GCC2: variants seen among roughly 807,000 people sequenced by gnomAD.
GCC2 encodes GRIP and coiled-coil domain containing 2, also known as GRIP and coiled-coil domain-containing protein 2.
In GCC2, 120 loss-of-function variants were observed where a neutral mutation model predicts 210.6. That is an observed-to-expected ratio of 0.57 (90% CI 0.49 to 0.66). GCC2 has a LOEUF of 0.66. Among genes scored for constraint, GCC2 ranks in the 30% least tolerant of loss-of-function variants. The pLI is 0.00. For synonymous variants in GCC2, 703 were observed against 652.7 expected (o/e 1.08, Z -1.17); for missense variants, 1,868 against 1,871.9 (o/e 1.00, Z 0.04).
intron 18 of GCC2, 80 bp downstream of exon 18, chr2:108,490,094 A>C: frequency 2.1e-6 from 2 of 952,164 alleles, no homozygotes; most frequent in Non-Finnish European, 3.0e-6. Context: ...TTGATCCTTG[A>C]GATAAATGCA....
chr2:108,491,694 T>G (rs941243954), intron 18 of GCC2, among the ~76,000 whole-genome samples: 1 of 152,190 alleles, frequency 6.6e-6, no homozygotes, highest in Non-Finnish European at 1.5e-5. Context: ...GCTTTTACTT[T>G]TTTCTCTGAC....
Position 108,492,675 on chromosome 2 carries a change from A to T in GCC2, c.4332A>T (p.Arg1444=). 1 of 1,613,944 alleles carries T rather than the reference A, an allele frequency of 6.2e-7. No individual in the cohort carries two copies. The highest frequency in any genetic ancestry group is 1.3e-5 in the African/African-American group (1 of 75,048). The change falls in exon 19 of 23, where the codon CGA becomes CGT. Residue 1444 remains arginine, a synonymous_variant. Transcript: ENST00000309863. ...ACGAGGTCCTTCGAAATAGCTTCCG[A>T]GATCAAGTGCGACATTTGCAGGAAG... The part of the protein sequence containing the change: ...SQNEVLRNSF[R]DQVRHLQEEH...
In GCC2 at chr2:108,472,704, G is replaced by A. The variant is rs1322098789; in HGVS notation, c.2788-123G>A. 6.2e-6 allele frequency: 4 copies of A among 640,632 alleles called. No homozygotes were observed. The African/African-American group carries it at 7.5e-5, about 12-fold the overall frequency. 39.7% of individuals were successfully genotyped at this position (640,632 alleles called of 1,614,324 possible). On this transcript the variant is annotated intron_variant, in intron 6 of 22. Coordinates refer to ENST00000309863, the MANE Select transcript of GCC2 (RefSeq NM_181453.4). Reference sequence around the variant, plus strand: ...AAATCTGTTGACCAAATTGGTTTCTGTAGGAATTCTCTTTGATAGTGATTT... The same window carrying A: ...AAATCTGTTGACCAAATTGGTTTCTATAGGAATTCTCTTTGATAGTGATTT...
At chr2:108,484,713 C>CA (rs1682039902) in intron 13 of GCC2, 2 of 152,838 alleles carry the variant, frequency 1.3e-5, no homozygotes, top group Non-Finnish European at 2.9e-5. Context: ...TCAGGTTTGT[C>CA]AAAGATCAGA....
intron 9 of GCC2, among the ~76,000 whole-genome samples, chr2:108,479,511 C>T (rs914267350): frequency 2.6e-5 from 4 of 151,866 alleles, no homozygotes; most frequent in Non-Finnish European, 5.9e-5. Flanking sequence ...TGTAGTGGCA[C>T]ACACCTATAG....
At chr2:108,505,104 C>T (rs1683120901) in intron 22 of GCC2, among the ~76,000 whole-genome samples, 1 of 152,228 alleles carries the variant, frequency 6.6e-6, no homozygotes, top group Non-Finnish European at 1.5e-5. Flanking sequence ...TGAATAGCTG[C>T]CAGGAACATT....
chr2:108,468,973 A>C lies in GCC2; in HGVS notation c.217-7A>C. Reference sequence around the variant, plus strand: ...ACCCCAGGCAAATAAATCTTGTTCTAAAATAGGCATTAACTGAACGTCTGG... The same window carrying C: ...ACCCCAGGCAAATAAATCTTGTTCTCAAATAGGCATTAACTGAACGTCTGG... On this transcript the variant is annotated splice_region_variant and splice_polypyrimidine_tract_variant and intron_variant, in intron 4 of 22. Transcript: ENST00000309863. 1 of 1,582,584 alleles carries C rather than the reference A, an allele frequency of 6.3e-7. No individual in the cohort carries two copies. Among genetic ancestry groups the C allele is most frequent in the East Asian group, 2.2e-5 (1 of 44,676 alleles).
At chr2:108,500,163 T>C (rs200070925) in intron 22 of GCC2, among the ~76,000 whole-genome samples, 1 of 144,236 alleles carries the variant, frequency 6.9e-6, no homozygotes, top group South Asian at 2.3e-4. Flanking sequence ...CAGTCATATA[T>C]AGCCCAACAC....
chr2:108,470,787 T>A lies in GCC2; in HGVS notation c.1458T>A (p.Ile486=), dbSNP rs1334360314. Residue 486 remains isoleucine, a synonymous_variant, in exon 6 of 23, where the codon ATT becomes ATA. Coordinates refer to ENST00000309863, the MANE Select transcript of GCC2 (RefSeq NM_181453.4). The stretch of plus-strand genomic sequence containing the variant: ...TAAATTATGAGAGTTTACGAGAGAT[T>A]ATGGAAATTTTACAAACAGAACTGG... ...AILNYESLRE[I]MEILQTELGE... The A allele has an allele frequency of 6.2e-7, 1 of 1,613,618 alleles. No homozygotes were observed. Among genetic ancestry groups the A allele is most frequent in the Non-Finnish European group, 8.5e-7 (1 of 1,179,864 alleles).
intron 9 of GCC2, among the ~76,000 whole-genome samples, chr2:108,479,239 C>T (rs1033939334): frequency 2.6e-5 from 4 of 152,122 alleles, no homozygotes; most frequent in Non-Finnish European, 5.9e-5. Context: ...AATGGACAGA[C>T]TATAAAATCA....
At chr2:108,496,680 A>T (rs1418688722) in intron 20 of GCC2, 1 of 466,526 alleles carries the variant, frequency 2.1e-6, no homozygotes, top group African/African-American at 2.0e-5. Flanking sequence ...GATAGGAAGA[A>T]GATGTGTAAT....
chr2:108,505,123 A>G (rs1440767167), intron 22 of GCC2, among the ~76,000 whole-genome samples: 1 of 152,264 alleles, frequency 6.6e-6, no homozygotes, highest in Non-Finnish European at 1.5e-5. Flanking sequence ...TTGTTTGCAC[A>G]AGGGCAGGGG....
Position 108,507,405 on chromosome 2 carries a change from A to ACCC in GCC2, c.4985-146_4985-144dup, listed in dbSNP as rs200527944. On this transcript the variant is annotated intron_variant, in intron 22 of 22. Transcript: ENST00000309863. ...CAAGACCCTGTCTCAAAAAAAAAGA[A>ACCC]CCCCCCCCCCCAAAAAAAAGGCATG... 2.8e-3 allele frequency: 755 copies of ACCC among 273,138 alleles called. 19 individuals carry two copies. The highest frequency in any genetic ancestry group is 0.021 in the African/African-American group (687 of 32,454). 16.9% of individuals were successfully genotyped at this position (273,138 alleles called of 1,614,324 possible).
intron 18 of GCC2, among the ~76,000 whole-genome samples, chr2:108,492,095 G>T (rs909614609): frequency 6.6e-6 from 1 of 150,812 alleles, no homozygotes; most frequent in African/African-American, 2.4e-5. Context: ...ACTCAAAAAT[G>T]GATACTTTCC....
At chr2:108,469,161 A>G in intron 5 of GCC2, 77 bp downstream of exon 5, 1 of 783,910 alleles carries the variant, frequency 1.3e-6, no homozygotes, top group Non-Finnish European at 2.1e-6. Flanking sequence ...TAAGACTTTA[A>G]AAAGCATCTA....
intron 11 of GCC2, 100 bp from the exon 12 acceptor site, chr2:108,482,962 G>A: frequency 3.0e-6 from 2 of 676,756 alleles, no homozygotes; most frequent in Non-Finnish European, 5.3e-6. Context: ...TTACAGGTGT[G>A]AGACACCACG....
intron 18 of GCC2, 137 bp downstream of exon 18, chr2:108,490,151 C>T (rs1226199014): frequency 8.6e-6 from 5 of 580,630 alleles, no homozygotes; most frequent in Non-Finnish European, 1.4e-5. Flanking sequence ...GGAAACTTTG[C>T]TTTATCTACC....
intron 6 of GCC2, 115 bp downstream of exon 6, chr2:108,472,231 C>T: frequency 1.6e-6 from 1 of 624,464 alleles, no homozygotes. Flanking sequence ...CATTTAAGCC[C>T]AAGTGGCAAC....
At chr2:108,504,550 A>G (rs1218728647) in intron 22 of GCC2, among the ~76,000 whole-genome samples, 1 of 152,158 alleles carries the variant, frequency 6.6e-6, no homozygotes, top group Non-Finnish European at 1.5e-5. Flanking sequence ...GTAAGTATAG[A>G]TTGCTCCTCT....
Sources: allele counts gnomAD v4.1 joint callset (sites outside exome capture counted in the v4.1 genomes callset), GRCh38; gene constraint gnomAD v4.1.1; transcripts MANE v1.5; gene names NCBI Gene and HGNC (gene_info 2026-07-23, HGNC 2026-07-21).